FREM3: variants seen among roughly 807,000 people sequenced by gnomAD.
FREM3 encodes the protein FRAS1-related extracellular matrix protein 3.
FREM3 carries 105 observed loss-of-function variants against 129.1 expected under a neutral mutation model. That is an observed-to-expected ratio of 0.81 (90% CI 0.69 to 0.96). The LOEUF is 0.96. FREM3 is among the 40% of genes least tolerant of loss of function. The pLI is 0.00. For missense variants in FREM3, 2,593 were observed against 2,666.3 expected, an observed-to-expected ratio of 0.97 and a Z score of 0.61; for synonymous variants, 1,014 against 1,044.9, an observed-to-expected ratio of 0.97 and a Z score of 0.57.
chr4:143,640,884 T>G (rs2149846163), intron 2 of FREM3, among the ~76,000 whole-genome samples: 1 of 152,294 alleles, frequency 6.6e-6, no homozygotes, highest in South Asian at 2.1e-4. Flanking sequence ...ATGTCCGTAG[T>G]ATATATTATT....
At chr4:143,648,994 C>A (rs754212671) in intron 2 of FREM3, among the ~76,000 whole-genome samples, 1 of 152,098 alleles carries the variant, frequency 6.6e-6, no homozygotes, top group African/African-American at 2.4e-5. Context: ...AAACTCCTGG[C>A]CTCATGTGAT....
intron 2 of FREM3, among the ~76,000 whole-genome samples, chr4:143,669,884 A>C (rs1034110719): frequency 2.0e-5 from 3 of 152,160 alleles, no homozygotes; most frequent in Non-Finnish European, 4.4e-5. Flanking sequence ...CCAGATAGTG[A>C]GCATAGTACC....
chr4:143,637,048 C>G (rs570225925), intron 2 of FREM3, among the ~76,000 whole-genome samples: 1 of 152,198 alleles, frequency 6.6e-6, no homozygotes, highest in Non-Finnish European at 1.5e-5. Flanking sequence ...CAGCTCACAC[C>G]ATAATGTAGT....
chr4:143,590,960 G>T (rs1324322930), intron 6 of FREM3, among the ~76,000 whole-genome samples: 2 of 152,190 alleles, frequency 1.3e-5, no homozygotes, highest in East Asian at 3.9e-4. Flanking sequence ...TCCTGGTTTA[G>T]TCTTGGGAGA....
intron 2 of FREM3, among the ~76,000 whole-genome samples, chr4:143,676,868 AACC>A (rs201689999): frequency 0.072 from 11,018 of 152,138 alleles, 1,052 homozygotes; most frequent in African/African-American, 0.21. Context: ...GAGAACTACA[AACC>A]ACTGCTCAAT....
At chr4:143,654,885 A>G (rs1398428488) in intron 2 of FREM3, among the ~76,000 whole-genome samples, 1 of 152,176 alleles carries the variant, frequency 6.6e-6, no homozygotes, top group Non-Finnish European at 1.5e-5. Flanking sequence ...GTGAACTGTA[A>G]AGTAAGAGCA....
chr4:143,685,963 A>G (rs555019142), intron 2 of FREM3, among the ~76,000 whole-genome samples: 1 of 152,302 alleles, frequency 6.6e-6, no homozygotes, highest in South Asian at 2.1e-4. Context: ...TACCCATGTA[A>G]CAAATCTGCA....
In FREM3 at chr4:143,589,894, C is replaced by G. The variant is rs956580324; in HGVS notation, c.6029-3901G>C. 3.5e-4 allele frequency among the ~76,000 whole-genome samples: 53 copies of G among 152,148 alleles called. No individual in the cohort carries two copies. The Middle Eastern group carries it at 0.014, about 39-fold the overall frequency. ...ATGAGCATGGAATGTTCTTCCATTTCTTTGTATCCTCTTTTATTTCCTTGA... is the reference window on the plus strand; with the variant it reads ...ATGAGCATGGAATGTTCTTCCATTTGTTTGTATCCTCTTTTATTTCCTTGA... On this transcript the variant is annotated intron_variant, in intron 6 of 7. Transcript: ENST00000329798.
chr4:143,579,387 A>T (rs929877771), intron 7 of FREM3, among the ~76,000 whole-genome samples: 32 of 152,306 alleles, frequency 2.1e-4, no homozygotes, highest in Middle Eastern at 3.4e-3. Flanking sequence ...TGGGAAGCAG[A>T]TATTTCAGTA....
intron 2 of FREM3, among the ~76,000 whole-genome samples, chr4:143,685,903 A>G (rs1740355864): frequency 6.6e-6 from 1 of 152,158 alleles, no homozygotes; most frequent in Non-Finnish European, 1.5e-5. Context: ...TAGGAGAAAT[A>G]CCTAATGTAG....
intron 2 of FREM3, among the ~76,000 whole-genome samples, chr4:143,642,444 A>C (rs1476680276): frequency 1.3e-5 from 2 of 152,336 alleles, no homozygotes; most frequent in African/African-American, 4.8e-5. Flanking sequence ...ACAGACACAC[A>C]GACCAATTAA....
chr4:143,664,903 T>C (rs1197373286), intron 2 of FREM3, among the ~76,000 whole-genome samples: 1 of 152,138 alleles, frequency 6.6e-6, no homozygotes, highest in Non-Finnish European at 1.5e-5. Context: ...AGGTGCGGGA[T>C]ATAATCTCCT....
At chr4:143,634,626 C>T (rs376662736) in intron 2 of FREM3, among the ~76,000 whole-genome samples, 1 of 152,072 alleles carries the variant, frequency 6.6e-6, no homozygotes, top group Non-Finnish European at 1.5e-5. Flanking sequence ...TGTGTGGCTC[C>T]GACTGAGAGT....
chr4:143,660,283 G>C lies in FREM3; in HGVS notation c.5276-32523C>G, dbSNP rs1373143581. Reference sequence around the variant, plus strand: ...GTATAAGGTGTAAGGAAGGGATCCAGTTTCAGCTTTCTACATATGGCTAGC... The same window carrying C: ...GTATAAGGTGTAAGGAAGGGATCCACTTTCAGCTTTCTACATATGGCTAGC... On this transcript the variant is annotated intron_variant, in intron 2 of 7. Transcript: ENST00000329798. 7.1e-4 allele frequency among the ~76,000 whole-genome samples: 108 copies of C among 151,120 alleles called. 1 individual carries two copies. The highest frequency in any genetic ancestry group is 2.4e-3 in the African/African-American group (100 of 40,866).
rs747926762 is a variant in FREM3 at position 143,695,819 on chromosome 4, A to ACTAT, written c.4853_4856dup (p.Ser1619ArgfsTer2). 8.7e-5 allele frequency: 134 copies of ACTAT among 1,537,254 alleles called. No homozygotes were observed. Among genetic ancestry groups the ACTAT allele is most frequent in the Non-Finnish European group, 1.1e-4 (126 of 1,146,914 alleles). On this transcript the variant is annotated stop_gained and frameshift_variant, in exon 1 of 8. Transcript: ENST00000329798. LOFTEE classifies it high-confidence loss of function. ...TGCCGTCTGTCACAGTCAAGGAGAA[A>ACTAT]CTATCTTCAGTGGTCTCACTGCCGT...
At chr4:143,666,769 G>T (rs1739870394) in intron 2 of FREM3, among the ~76,000 whole-genome samples, 1 of 151,576 alleles carries the variant, frequency 6.6e-6, no homozygotes, top group African/African-American at 2.4e-5. Context: ...TTTCTGTTTG[G>T]AGTGATGGAA....
At chr4:143,652,864 A>G (rs973385311) in intron 2 of FREM3, among the ~76,000 whole-genome samples, 3 of 151,974 alleles carry the variant, frequency 2.0e-5, no homozygotes, top group Non-Finnish European at 2.9e-5. Flanking sequence ...CCTGAGGTCA[A>G]GTGATCCGCC....
At chr4:143,662,148 C>T (rs894904730) in intron 2 of FREM3, among the ~76,000 whole-genome samples, 1 of 151,968 alleles carries the variant, frequency 6.6e-6, no homozygotes, top group African/African-American at 2.4e-5. Context: ...AATGTGTTTG[C>T]TCTTGCTTTT....
chr4:143,607,720 T>C lies in FREM3; in HGVS notation c.6028+3559A>G, dbSNP rs533696683. 3.3e-5 allele frequency among the ~76,000 whole-genome samples: 5 copies of C among 152,322 alleles called. No individual in the cohort carries two copies. The East Asian group carries it at 9.6e-4, about 29-fold the overall frequency. The stretch of plus-strand genomic sequence containing the variant: ...ACTAAATTTTCTAATTATAAATTGG[T>C]TTCTTATATAGACGTTTCCTCCAGA... On this transcript the variant is annotated intron_variant, in intron 6 of 7. Transcript: ENST00000329798.
Sources: gnomAD v4.1 joint callset for allele counts (sites outside exome capture counted in the v4.1 genomes callset) on GRCh38, gnomAD v4.1.1 for gene constraint, MANE v1.5 for transcripts, NCBI Gene and HGNC (gene_info 2026-07-23, HGNC 2026-07-21) for gene names.